The following ATP13A4 variants were observed in gnomAD, a reference collection of about 807,000 sequenced individuals.
ATP13A4 encodes probable cation-transporting ATPase 13A4.
Under a neutral mutation model 142.5 loss-of-function variants are expected in ATP13A4, and 114 were observed. That is an observed-to-expected ratio of 0.80 (90% CI 0.69 to 0.93). The LOEUF is 0.93. Ranked by LOEUF, ATP13A4 falls within the 40% of genes least tolerant of loss-of-function variation. The pLI is 0.00. For missense variants in ATP13A4, 1,392 were observed against 1,454.0 expected (o/e 0.96, Z 0.69); for synonymous variants, 488 against 514.8 (o/e 0.95, Z 0.70).
chr3:193,525,450 G>A (rs574195406), intron 1 of ATP13A4, among the ~76,000 whole-genome samples: 1 of 151,990 alleles, frequency 6.6e-6, no homozygotes, highest in Non-Finnish European at 1.5e-5. Context: ...TTATCCCTGG[G>A]TATCATTTGC....
chr3:193,568,380 T>C (rs896165045), intron 2 of ATP13A4, among the ~76,000 whole-genome samples: 2 of 152,168 alleles, frequency 1.3e-5, no homozygotes, highest in African/African-American at 4.8e-5. Context: ...TTTCATCTAA[T>C]TGCAGTAAAA....
At chr3:193,456,877 T>A (rs977175484) in intron 16 of ATP13A4, 123 bp downstream of exon 16, 4 of 1,181,990 alleles carry the variant, frequency 3.4e-6, no homozygotes, top group Middle Eastern at 2.0e-4. Flanking sequence ...GAATTTGGAA[T>A]GCCAGTGAGC....
rs940577618 is a variant in ATP13A4 at position 193,399,132 on chromosome 3, T to A, written c.*3520A>T. The stretch of plus-strand genomic sequence containing the variant: ...CATATTTAGTGAGGGAAGCCCAGAG[T>A]CACGGTTCTCTGTGGGTAAGAGCTA... On this transcript the variant is annotated 3_prime_UTR_variant, in exon 30 of 30. Coordinates refer to ENST00000342695, the MANE Select transcript of ATP13A4 (RefSeq NM_032279.4). 1.3e-5 allele frequency among the ~76,000 whole-genome samples: 2 copies of A among 151,978 alleles called. No individual in the cohort carries two copies. The highest frequency in any genetic ancestry group is 2.9e-5 in the Non-Finnish European group (2 of 67,988).
chr3:193,419,261 G>A (rs1715283746), intron 25 of ATP13A4, among the ~76,000 whole-genome samples: 2 of 149,910 alleles, frequency 1.3e-5, no homozygotes, highest in South Asian at 2.1e-4. Context: ...GAGTACTATG[G>A]TAAAGCTGCT....
At chr3:193,544,151 C>T (rs1224991524) in intron 1 of ATP13A4, among the ~76,000 whole-genome samples, 1 of 152,142 alleles carries the variant, frequency 6.6e-6, no homozygotes, top group Non-Finnish European at 1.5e-5. Flanking sequence ...ATTTAAGCTT[C>T]TGGAATGAGA....
intron 9 of ATP13A4, among the ~76,000 whole-genome samples, chr3:193,469,372 T>C (rs1417325927): frequency 1.3e-5 from 2 of 152,200 alleles, no homozygotes; most frequent in Non-Finnish European, 2.9e-5. Flanking sequence ...ATGCCTGTAA[T>C]GTCAGCACTT....
At chr3:193,576,649 C>T (rs1458031966) in intron 2 of ATP13A4, among the ~76,000 whole-genome samples, 1 of 152,136 alleles carries the variant, frequency 6.6e-6, no homozygotes, top group African/African-American at 2.4e-5. Context: ...ATAAGAAAAA[C>T]TAATCAGTTA....
intron 2 of ATP13A4, among the ~76,000 whole-genome samples, chr3:193,509,237 G>T (rs1721017288): frequency 6.6e-6 from 1 of 152,140 alleles, no homozygotes; most frequent in African/African-American, 2.4e-5. Flanking sequence ...TGACTGTTTT[G>T]ACTTGGCCAA....
rs58158167 is a variant in ATP13A4 at position 193,543,997 on chromosome 3, G to A, written c.60+10743C>T. 5.4e-3 allele frequency among the ~76,000 whole-genome samples: 825 copies of A among 152,294 alleles called. 13 individuals are homozygous for A. Among genetic ancestry groups the A allele is most frequent in the African/African-American group, 0.019 (777 of 41,568 alleles). On this transcript the variant is annotated intron_variant, in intron 1 of 29. Coordinates refer to ENST00000342695, the MANE Select transcript of ATP13A4 (RefSeq NM_032279.4). The stretch of plus-strand genomic sequence containing the variant: ...CAGAAACTCTTCTTCCCAAGCATCA[G>A]TTGGTGTTCATCAGACAGACTGGGG...
At chr3:193,478,937 A>G (rs1288089562) in intron 8 of ATP13A4, among the ~76,000 whole-genome samples, 1 of 152,238 alleles carries the variant, frequency 6.6e-6, no homozygotes, top group Non-Finnish European at 1.5e-5. Context: ...AGTGGGTTTC[A>G]TACCAAGAAT....
chr3:193,497,358 C>G (rs1720300426), intron 3 of ATP13A4, among the ~76,000 whole-genome samples: 1 of 152,134 alleles, frequency 6.6e-6, no homozygotes, highest in Non-Finnish European at 1.5e-5. Flanking sequence ...CACGTCAAAA[C>G]CACAGTGAGC....
intron 8 of ATP13A4, among the ~76,000 whole-genome samples, chr3:193,474,573 G>A (rs1414121931): frequency 7.0e-6 from 1 of 143,050 alleles, no homozygotes; most frequent in African/African-American, 2.6e-5. Flanking sequence ...GAGAGAGAAA[G>A]AAGGAAAGAA....
intron 8 of ATP13A4, among the ~76,000 whole-genome samples, chr3:193,479,897 A>G (rs1180325959): frequency 6.6e-6 from 1 of 152,212 alleles, no homozygotes; most frequent in Non-Finnish European, 1.5e-5. Context: ...CCAAAACAGC[A>G]TGGTACTAGT....
chr3:193,456,379 G>C (rs1407223499), intron 16 of ATP13A4, among the ~76,000 whole-genome samples: 3 of 152,110 alleles, frequency 2.0e-5, no homozygotes, highest in Non-Finnish European at 4.4e-5. Flanking sequence ...AAGGATTCTG[G>C]GGCTGAGGGA....
intron 5 of ATP13A4, 114 bp downstream of exon 5, chr3:193,492,803 A>G (rs1720016139): frequency 1.3e-6 from 1 of 799,066 alleles, no homozygotes; most frequent in Admixed American, 2.1e-5. Context: ...TACTAAATAG[A>G]GCATTATAAT....
intron 2 of ATP13A4, among the ~76,000 whole-genome samples, chr3:193,504,393 A>T (rs1044119504): frequency 2.0e-5 from 3 of 152,164 alleles, no homozygotes; most frequent in Non-Finnish European, 4.4e-5. Flanking sequence ...TTAAGTAAGA[A>T]CTTTCCATTT....
At chr3:193,448,368 C>T (rs1271519599) in intron 17 of ATP13A4, 38 bp from the exon 18 acceptor site, 3 of 1,609,986 alleles carry the variant, frequency 1.9e-6, no homozygotes, top group Non-Finnish European at 2.5e-6. Flanking sequence ...ACAGAAATAA[C>T]ACATATTACA....
intron 1 of ATP13A4, among the ~76,000 whole-genome samples, chr3:193,533,637 C>A (rs1362381231): frequency 6.6e-6 from 1 of 152,022 alleles, no homozygotes; most frequent in Non-Finnish European, 1.5e-5. Context: ...AAGGGGCGGC[C>A]GAGTAAGACA....
intron 3 of ATP13A4, among the ~76,000 whole-genome samples, chr3:193,496,142 G>A (rs1400517276): frequency 2.0e-5 from 3 of 152,108 alleles, no homozygotes; most frequent in African/African-American, 7.2e-5. Context: ...CAATGCCCAT[G>A]CTATCAAAAG....
Sources: allele counts gnomAD v4.1 joint callset (sites outside exome capture counted in the v4.1 genomes callset), GRCh38; gene constraint gnomAD v4.1.1; transcripts MANE v1.5; gene names NCBI Gene and HGNC (gene_info 2026-07-23, HGNC 2026-07-21).